Variants in OPHN1 observed in about 807,000 individuals in gnomAD.
OPHN1 encodes the protein oligophrenin 1.
A neutral mutation model predicts 60.7 loss-of-function variants in OPHN1; 11 were observed. The observed-to-expected ratio is 0.18, with a 90% CI of 0.11 to 0.30. OPHN1 has a LOEUF of 0.30. Ranked by LOEUF, OPHN1 falls within the 10% of genes least tolerant of loss-of-function variation. OPHN1 has a pLI of 1.00. For synonymous variants in OPHN1, 226 were observed against 222.6 expected, an observed-to-expected ratio of 1.02 and a Z score of -0.14; for missense variants, 449 against 611.0, an observed-to-expected ratio of 0.73 and a Z score of 2.80.
intron 2 of OPHN1, among the ~76,000 whole-genome samples, chrX:68,379,786 G>C (rs752059794): frequency 0.025 from 2,307 of 92,195 alleles, 39 homozygotes; most frequent in Non-Finnish European, 0.032. Context: ...AAGCCCACTT[G>C]ATCATGGTGG....
At chrX:68,226,028 A>T (rs2077689910) in intron 6 of OPHN1, among the ~76,000 whole-genome samples, 1 of 111,774 alleles carries the variant, frequency 8.9e-6, no homozygotes, top group Admixed American at 9.5e-5. Context: ...CATAGAGAAG[A>T]CCTTAAATGA....
chrX:68,358,308 G>T (rs190035861), intron 2 of OPHN1, among the ~76,000 whole-genome samples: 1 of 109,845 alleles, frequency 9.1e-6, no homozygotes, highest in East Asian at 2.9e-4. Context: ...ACAATGGAGT[G>T]AGACTCCATT....
intron 15 of OPHN1, among the ~76,000 whole-genome samples, chrX:68,166,920 T>C (rs1005115405): frequency 1.8e-5 from 2 of 112,082 alleles, no homozygotes; most frequent in Non-Finnish European, 3.8e-5. Context: ...CCTCAAACTA[T>C]AAAACTACTA....
chrX:68,077,699 T>A (rs1414538571), intron 19 of OPHN1, among the ~76,000 whole-genome samples: 1 of 112,327 alleles, frequency 8.9e-6, no homozygotes. Context: ...TCATAACCTC[T>A]AGGAAAGTGA....
chrX:68,219,444 C>G (rs1050158916), intron 6 of OPHN1, among the ~76,000 whole-genome samples: 3 of 107,418 alleles, frequency 2.8e-5, no homozygotes, highest in Non-Finnish European at 3.9e-5. Flanking sequence ...TAGACATCTA[C>G]AGAACTCTCC....
intron 15 of OPHN1, among the ~76,000 whole-genome samples, chrX:68,132,462 C>T (rs2077199114): frequency 9.7e-6 from 1 of 103,299 alleles, no homozygotes; most frequent in South Asian, 4.6e-4. Context: ...ACAAACCAAA[C>T]ACCGCATATT....
intron 2 of OPHN1, among the ~76,000 whole-genome samples, chrX:68,401,502 C>T (rs182925769): frequency 1.3e-4 from 15 of 112,177 alleles, no homozygotes; most frequent in Non-Finnish European, 1.9e-4. Flanking sequence ...TGTACAGTAA[C>T]GCAATTGTAC....
intron 15 of OPHN1, among the ~76,000 whole-genome samples, chrX:68,120,048 T>A (rs1009405282): frequency 2.7e-5 from 3 of 111,042 alleles, no homozygotes; most frequent in African/African-American, 9.8e-5. Context: ...CAGACCCAAT[T>A]TGCCTTCCCA....
intron 19 of OPHN1, among the ~76,000 whole-genome samples, chrX:68,083,197 C>T (rs1030998492): frequency 9.8e-6 from 1 of 102,524 alleles, no homozygotes; most frequent in Admixed American, 1.0e-4. Flanking sequence ...CTCAGCCTCC[C>T]GAGTAGCTGG....
intron 15 of OPHN1, among the ~76,000 whole-genome samples, chrX:68,135,474 T>TA (rs766646876): frequency 1.3e-3 from 144 of 111,848 alleles, no homozygotes; most frequent in Non-Finnish European, 1.3e-3. Flanking sequence ...GAAGGACCTT[T>TA]GCTTTTACTT....
chrX:68,307,478 T>C lies in OPHN1; in HGVS notation c.155-8382A>G, dbSNP rs912234710. Among the ~76,000 whole-genome samples, 14 of 105,486 alleles carry C rather than the reference T, an allele frequency of 1.3e-4. 1 individual carries two copies. The highest frequency in any genetic ancestry group is 2.3e-4 in the Non-Finnish European group (12 of 52,098). 91.6% of individuals were successfully genotyped at this position (105,486 alleles called of 115,157 possible). ...GTCAACAAAAAAAAAAAAAAAGGAA[T>C]TTATAGCGAATGGATATACGAAACT... On this transcript the variant is annotated intron_variant, in intron 2 of 24. Transcript: ENST00000355520.
chrX:68,415,902 C>T (rs1003766611), intron 2 of OPHN1, among the ~76,000 whole-genome samples: 46 of 107,376 alleles, frequency 4.3e-4, no homozygotes, highest in East Asian at 5.8e-4. Flanking sequence ...GTAGTCCCAG[C>T]GACTCGGGAG....
At chrX:68,349,795 A>C (rs1336367500) in intron 2 of OPHN1, among the ~76,000 whole-genome samples, 1 of 111,175 alleles carries the variant, frequency 9.0e-6, no homozygotes, top group East Asian at 2.8e-4. Flanking sequence ...CATTCTCAGC[A>C]AACTATCACA....
intron 2 of OPHN1, among the ~76,000 whole-genome samples, chrX:68,347,928 C>T (rs984135840): frequency 8.9e-6 from 1 of 111,973 alleles, no homozygotes; most frequent in African/African-American, 3.2e-5. Flanking sequence ...AACCAAATAA[C>T]ATTTTAACAG....
At chrX:68,060,183 C>G (rs1260206824) in intron 21 of OPHN1, among the ~76,000 whole-genome samples, 1 of 111,137 alleles carries the variant, frequency 9.0e-6, no homozygotes, top group Non-Finnish European at 1.9e-5. Context: ...CAAATGAAGG[C>G]AGAAAAAAAT....
chrX:68,351,535 G>T (rs1253842397), intron 2 of OPHN1, among the ~76,000 whole-genome samples: 1 of 111,492 alleles, frequency 9.0e-6, no homozygotes, highest in African/African-American at 3.3e-5. Flanking sequence ...ACTAAACATG[G>T]TCACCAAAGC....
chrX:68,244,905 G>T (rs780835079), intron 5 of OPHN1, among the ~76,000 whole-genome samples: 1 of 111,397 alleles, frequency 9.0e-6, no homozygotes, highest in Admixed American at 9.6e-5. Flanking sequence ...AGAAGTAAAA[G>T]AAATGGAGAT....
At chrX:68,228,305 T>C (rs1273657282) in intron 6 of OPHN1, among the ~76,000 whole-genome samples, 1 of 111,851 alleles carries the variant, frequency 8.9e-6, no homozygotes, top group Non-Finnish European at 1.9e-5. Flanking sequence ...CCAGATGGAT[T>C]CACAGCCAAA....
At chrX:68,144,461 G>A (rs7881511) in intron 15 of OPHN1, among the ~76,000 whole-genome samples, 25,457 of 110,706 alleles carry the variant, frequency 0.23, 3,276 homozygotes, top group African/African-American at 0.46. Flanking sequence ...GGTTTGCATA[G>A]TCACACAAAT....
Sources: gnomAD v4.1 joint callset for allele counts (sites outside exome capture counted in the v4.1 genomes callset) on GRCh38, gnomAD v4.1.1 for gene constraint, MANE v1.5 for transcripts, NCBI Gene and HGNC (gene_info 2026-07-23, HGNC 2026-07-21) for gene names.